Variants in NEBL observed in about 807,000 individuals in gnomAD.
NEBL encodes LIM and SH3 protein 2.
In NEBL, 122 loss-of-function variants were observed where a neutral mutation model predicts 140.2. The observed-to-expected ratio is 0.87, with a 90% CI of 0.75 to 1.01. The LOEUF (loss-of-function observed/expected upper bound fraction) is 1.01. Among genes scored for constraint, NEBL ranks in the 50% least tolerant of loss-of-function variants. The pLI, the probability that NEBL is intolerant of heterozygous loss-of-function variation, is 0.00. For synonymous variants in NEBL, 436 were observed against 398.9 expected (o/e 1.09, Z -1.11); for missense variants, 1,365 against 1,231.3 (o/e 1.11, Z -1.62).
chr10:21,116,224 A>G (rs1838278878), intron 2 of NEBL, among the ~76,000 whole-genome samples: 1 of 152,142 alleles, frequency 6.6e-6, no homozygotes. Context: ...CTTAAACAAC[A>G]GATATTTATT....
intron 21 of NEBL, 101 bp from the exon 22 acceptor site, chr10:20,815,818 A>G (rs1588673107): frequency 1.1e-4 from 96 of 839,340 alleles, no homozygotes; most frequent in South Asian, 1.8e-4. Flanking sequence ...ACCCAGGCTG[A>G]AGTGCAGTGG....
At position 20,831,238 on chromosome 10, in the gene NEBL, TG is replaced by T; in HGVS notation, c.1628del (p.Pro543GlnfsTer32). Reference sequence around the variant, plus strand: ...ATGTCCTCTTGGCTCGAAGGATATCTGGGATATCCATGCTCACTTGCATTCC... The same window carrying T: ...ATGTCCTCTTGGCTCGAAGGATATCTGGATATCCATGCTCACTTGCATTCC... Reference protein sequence around the residue: ...GKGMQVSMDIPDILRAKRTSE... With the variant: ...GKGMQVSMDIXDILRAKRTSE... On this transcript the variant is annotated frameshift_variant, in exon 16 of 28. Coordinates refer to ENST00000377122, the MANE Select transcript of NEBL (RefSeq NM_006393.3). LOFTEE classifies it high-confidence loss of function. 1 of 1,613,616 alleles carries T rather than the reference TG, an allele frequency of 6.2e-7. No homozygotes were observed. The highest frequency in any genetic ancestry group is 8.5e-7 in the Non-Finnish European group (1 of 1,179,734).
intron 2 of NEBL, among the ~76,000 whole-genome samples, chr10:21,073,303 A>G (rs1835901602): frequency 6.6e-6 from 1 of 150,986 alleles, no homozygotes; most frequent in Non-Finnish European, 1.5e-5. Context: ...AGCCTGGGCA[A>G]CAGAGTGAGA....
At chr10:20,803,887 C>T (rs1837373026) in intron 26 of NEBL, among the ~76,000 whole-genome samples, 1 of 149,520 alleles carries the variant, frequency 6.7e-6, no homozygotes, top group Admixed American at 6.7e-5. Context: ...TTCAGCTATG[C>T]TTTAATGTCA....
At chr10:21,227,713 T>TTCTTCTTCTTCTTCTTCTTC (rs1842180073) in intron 3 of NEBL, among the ~76,000 whole-genome samples, 1 of 63,680 alleles carries the variant, frequency 1.6e-5, no homozygotes, top group African/African-American at 6.2e-5. Flanking sequence ...TCTTCTTCTT[T>TTCTTCTTCTTCTTCTTCTTC]CTTCTTCTTC....
At chr10:20,969,757 C>T (rs1178631913) in intron 3 of NEBL, among the ~76,000 whole-genome samples, 1 of 151,952 alleles carries the variant, frequency 6.6e-6, no homozygotes, top group Non-Finnish European at 1.5e-5. Flanking sequence ...TGTTGCCAGG[C>T]TGGTCTCAAA....
chr10:20,909,764 G>T (rs1236540371), intron 4 of NEBL, among the ~76,000 whole-genome samples: 1 of 151,682 alleles, frequency 6.6e-6, no homozygotes, highest in Non-Finnish European at 1.5e-5. Context: ...ATAAAATATT[G>T]AAACAATAAT....
At chr10:20,799,192 G>C (rs187844341) in intron 26 of NEBL, among the ~76,000 whole-genome samples, 1 of 152,118 alleles carries the variant, frequency 6.6e-6, no homozygotes, top group Non-Finnish European at 1.5e-5. Flanking sequence ...GTCTTGCTCC[G>C]TCACCCAGGC....
intron 2 of NEBL, among the ~76,000 whole-genome samples, chr10:21,062,809 T>C (rs2131883712): frequency 6.6e-6 from 1 of 152,286 alleles, no homozygotes; most frequent in Non-Finnish European, 1.5e-5. Context: ...ACACCAGCAC[T>C]GGGGCTTGAA....
intron 4 of NEBL, among the ~76,000 whole-genome samples, chr10:20,942,861 G>C (rs1194401102): frequency 7.2e-5 from 11 of 152,208 alleles, no homozygotes; most frequent in South Asian, 2.1e-4. Flanking sequence ...CTGGCCATCA[G>C]AGAAATGCAA....
At chr10:21,202,963 A>G (rs145614441) in intron 3 of NEBL, among the ~76,000 whole-genome samples, 2 of 152,342 alleles carry the variant, frequency 1.3e-5, no homozygotes, top group Non-Finnish European at 2.9e-5. Flanking sequence ...AATTCCTGAC[A>G]GACTAGGAAC....
intron 1 of NEBL, among the ~76,000 whole-genome samples, chr10:21,275,758 G>A (rs1043260728): frequency 3.4e-5 from 5 of 148,844 alleles, no homozygotes; most frequent in South Asian, 2.1e-4. Flanking sequence ...CTCCTGCCTC[G>A]GCCTCCCGAG....
chr10:20,834,031 C>G (rs10828140), intron 14 of NEBL, among the ~76,000 whole-genome samples: 1 of 151,922 alleles, frequency 6.6e-6, no homozygotes, highest in Non-Finnish European at 1.5e-5. Flanking sequence ...TGGCCTGTAA[C>G]GTTGAGATCC....
intron 3 of NEBL, among the ~76,000 whole-genome samples, chr10:21,240,097 G>A (rs11012610): frequency 0.29 from 44,550 of 151,720 alleles, 7,773 homozygotes; most frequent in African/African-American, 0.49. Context: ...ACAGAATTTT[G>A]TAAACTAGCC....
At position 20,787,251 on chromosome 10, in the gene NEBL, T is replaced by C; in HGVS notation, c.2819A>G (p.His940Arg). Residue 940 changes from histidine (H) to arginine (R), a missense_variant, in exon 27 of 28, where the codon CAC becomes CGC. Coordinates refer to ENST00000377122, the MANE Select transcript of NEBL (RefSeq NM_006393.3). ...TCTCATGGATGACACACTGGTCTGGTGCATGTAGCCATAGCCTTGGGAATG... is the reference window on the plus strand; with the variant it reads ...TCTCATGGATGACACACTGGTCTGGCGCATGTAGCCATAGCCTTGGGAATG... ...QSHSQGYGYM[H>R]QTSVSSMRSM... 1 of 1,613,618 alleles carries C rather than the reference T, an allele frequency of 6.2e-7. No individual in the cohort carries two copies. Among genetic ancestry groups the C allele is most frequent in the Non-Finnish European group, 8.5e-7 (1 of 1,179,744 alleles).
intron 26 of NEBL, chr10:20,804,555 A>T (rs541560210): frequency 1.3e-5 from 2 of 152,242 alleles, no homozygotes; most frequent in Non-Finnish European, 2.9e-5. Context: ...TTGGGCTCCA[A>T]TGCTGAATAT....
intron 12 of NEBL, chr10:20,841,558 G>T (rs1055396937): frequency 6.6e-6 from 1 of 152,126 alleles, no homozygotes; most frequent in African/African-American, 2.4e-5. Flanking sequence ...GATGATGAAT[G>T]GAATCATCCA....
At chr10:21,242,430 A>C (rs1243491159) in intron 3 of NEBL, among the ~76,000 whole-genome samples, 2 of 152,092 alleles carry the variant, frequency 1.3e-5, no homozygotes, top group African/African-American at 2.4e-5. Flanking sequence ...AAATACACGG[A>C]CACAAAGAAG....
intron 2 of NEBL, among the ~76,000 whole-genome samples, chr10:21,138,948 G>T (rs929665846): frequency 1.3e-5 from 2 of 151,944 alleles, no homozygotes; most frequent in Non-Finnish European, 2.9e-5. Context: ...ATAGCACATC[G>T]TAATAAATAA....
Sources: allele counts gnomAD v4.1 joint callset (sites outside exome capture counted in the v4.1 genomes callset), GRCh38; gene constraint gnomAD v4.1.1; transcripts MANE v1.5; gene names NCBI Gene and HGNC (gene_info 2026-07-23, HGNC 2026-07-21).